The following COL3A1 variants were observed in gnomAD, a reference collection of about 807,000 sequenced individuals.
COL3A1 encodes the protein collagen alpha-1(III) chain.
Under a neutral mutation model 200.9 loss-of-function variants are expected in COL3A1, and 46 were observed. The ratio of observed to expected loss-of-function variants is 0.23; its 90% CI spans 0.18 to 0.29. COL3A1 has a LOEUF of 0.29. COL3A1 is among the 10% of genes least tolerant of loss of function. The probability of loss-of-function intolerance (pLI) is 1.00; values close to 1 mark genes in which losing one functional copy is unlikely to be tolerated. For synonymous variants in COL3A1, 650 were observed against 628.0 expected (o/e 1.03, Z -0.52); for missense variants, 1,367 against 1,917.6 (o/e 0.71, Z 5.36).
chr2:188,985,032 G>A (rs1267838189), intron 2 of COL3A1, 70 bp downstream of exon 2: 1 of 1,506,922 alleles, frequency 6.6e-7, no homozygotes, highest in African/African-American at 1.4e-5. Context: ...CTATATCATA[G>A]GAGCCTAAAA....
rs41265549 is a variant in COL3A1 at position 189,010,399 on chromosome 2, A to G, written c.4011+34A>G. 46,259 of 1,606,222 alleles carry G rather than the reference A, an allele frequency of 0.029. 822 individuals are homozygous for G. Among genetic ancestry groups the G allele is most frequent in the Middle Eastern group, 0.038 (231 of 6,046 alleles). On this transcript the variant is annotated intron_variant, in intron 49 of 50. Coordinates refer to ENST00000304636, the MANE Select transcript of COL3A1 (RefSeq NM_000090.4). ...GGATATACCTTTTTTTAAATAAGTC[A>G]CCTCTATATCCTTTGTATTCTTCCT...
At chr2:188,995,181 A>G in intron 21 of COL3A1, 82 bp downstream of exon 21, 1 of 1,314,180 alleles carries the variant, frequency 7.6e-7, no homozygotes, top group Non-Finnish European at 1.1e-6. Flanking sequence ...ATTCATGAAA[A>G]CCTAAATATC....
chr2:188,993,972 C>T lies in COL3A1; in HGVS notation c.1150-66C>T. 6.0e-6 allele frequency: 9 copies of T among 1,488,250 alleles called. 1 individual carries two copies. The South Asian group carries it at 1.0e-4, about 17-fold the overall frequency. The allele number at this position is 1,488,250 out of a possible 1,614,324, so 92.2% of individuals were successfully genotyped here. A position where few individuals can be genotyped will look rare whatever the true frequency, so the allele number is the denominator to read the frequency against. The stretch of plus-strand genomic sequence containing the variant: ...ATCGATACATTTATTTTCACACAAA[C>T]AACTTCAAATATATACGAACTATTT... On this transcript the variant is annotated intron_variant, in intron 16 of 50. Transcript: ENST00000304636.
Position 188,995,691 on chromosome 2 carries a change from G to T in COL3A1, c.1510-1G>T. 1 of 1,552,190 alleles carries T rather than the reference G, an allele frequency of 6.4e-7. No individual in the cohort carries two copies. The highest frequency in any genetic ancestry group is 8.7e-7 in the Non-Finnish European group (1 of 1,146,982). ...TTTTTAAAATTTCTTTCACTACTTAGGGTCCTGCTGGAGAGCGTGGTGCTC... is the reference window on the plus strand; with the variant it reads ...TTTTTAAAATTTCTTTCACTACTTATGGTCCTGCTGGAGAGCGTGGTGCTC... On this transcript the variant is annotated splice_acceptor_variant, in intron 21 of 50. Transcript: ENST00000304636. LOFTEE classifies it high-confidence loss of function.
chr2:188,999,372 G>A lies in COL3A1; in HGVS notation c.2110G>A (p.Glu704Lys), dbSNP rs863223362. Residue 704 changes from glutamate to lysine, a missense_variant, in exon 30 of 51, where the codon GAA becomes AAA. Coordinates refer to ENST00000304636, the MANE Select transcript of COL3A1 (RefSeq NM_000090.4). ...LRGGAGPPGP[E>K]GGKGAAGPPG... Reference sequence around the variant, plus strand: ...AGGTGGAGCTGGTCCCCCTGGTCCCGAAGGAGGAAAGGTAACTCCACAGCA... The same window carrying A: ...AGGTGGAGCTGGTCCCCCTGGTCCCAAAGGAGGAAAGGTAACTCCACAGCA... The A allele has an allele frequency of 1.2e-5, 20 of 1,609,228 alleles. No individual in the cohort carries two copies. The highest frequency in any genetic ancestry group is 1.5e-5 in the Non-Finnish European group (18 of 1,177,662).
At chr2:188,993,271 G>A (rs1688226966) in intron 15 of COL3A1, 90 bp from the exon 16 acceptor site, 1 of 1,095,926 alleles carries the variant, frequency 9.1e-7, no homozygotes, top group African/African-American at 1.6e-5. Flanking sequence ...TCCAACTTTT[G>A]GGAGATGTGT....
At chr2:188,997,595 T>C (rs920005270) in intron 26 of COL3A1, 105 bp from the exon 27 acceptor site, 3 of 1,277,586 alleles carry the variant, frequency 2.3e-6, no homozygotes, top group Non-Finnish European at 2.2e-6. Flanking sequence ...TCCCTTTTCT[T>C]CACATCACTA....
At chr2:188,999,251 G>T (rs1340347267) in intron 29 of COL3A1, 34 bp from the exon 30 acceptor site, 1 of 1,532,946 alleles carries the variant, frequency 6.5e-7, no homozygotes, top group East Asian at 2.4e-5. Flanking sequence ...GCTTTGGGTT[G>T]TCTAATATGG....
Position 189,008,085 on chromosome 2 carries a change from T to C in COL3A1, c.3468T>C (p.His1156=). 6.2e-7 allele frequency: 1 copy of C among 1,614,032 alleles called. No individual in the cohort carries two copies. The highest frequency in any genetic ancestry group is 1.1e-5 in the South Asian group (1 of 91,068). The change falls in exon 47 of 51, where the codon CAT becomes CAC. Residue 1156 remains histidine (H), a synonymous_variant. Coordinates refer to ENST00000304636, the MANE Select transcript of COL3A1 (RefSeq NM_000090.4). ...CTGGCAAAGATGGAACCAGTGGACA[T>C]CCAGGTCCCATTGGACCACCAGGGC... ...GPPGKDGTSG[H]PGPIGPPGPR...
intron 50 of COL3A1, 130 bp downstream of exon 50, chr2:189,011,020 A>G (rs186353915): frequency 8.4e-7 from 1 of 1,192,106 alleles, no homozygotes; most frequent in East Asian, 2.5e-5. Flanking sequence ...TGAATTACAT[A>G]CATTGCATCT....
At chr2:189,011,569 TCA>T in intron 50 of COL3A1, 57 bp from the exon 51 acceptor site, 27 of 1,605,288 alleles carry the variant, frequency 1.7e-5, no homozygotes, top group Non-Finnish European at 2.3e-5. Flanking sequence ...ACTTGTTAAG[TCA>T]GAGTTGTCTA....
At position 188,999,401 on chromosome 2, in the gene COL3A1, C is replaced by A. The variant is rs587780904; in HGVS notation, c.2121+18C>A. On this transcript the variant is annotated intron_variant, in intron 30 of 50. Coordinates refer to ENST00000304636, the MANE Select transcript of COL3A1 (RefSeq NM_000090.4). Reference sequence around the variant, plus strand: ...GAGGAAAGGTAACTCCACAGCATTCCATTCACCTAGGTTTAAAAAATGCAT... The same window carrying A: ...GAGGAAAGGTAACTCCACAGCATTCAATTCACCTAGGTTTAAAAAATGCAT... 63 of 1,613,416 alleles carry A rather than the reference C, an allele frequency of 3.9e-5. No individual in the cohort carries two copies. Among genetic ancestry groups the A allele is most frequent in the Non-Finnish European group, 5.3e-5 (62 of 1,179,622 alleles).
rs1016464615 is a variant in COL3A1 at position 189,012,522 on chromosome 2, T to G, written c.*748T>G. 3.9e-5 allele frequency: 6 copies of G among 152,518 alleles called. No individual in the cohort carries two copies. Among genetic ancestry groups the G allele is most frequent in the African/African-American group, 1.2e-4 (5 of 41,408 alleles). The allele number at this position is 152,518 out of a possible 1,614,324, so 9.4% of individuals were successfully genotyped here. The stretch of plus-strand genomic sequence containing the variant: ...TGTTGACTTGCATTCAGAACATAAA[T>G]GCACAAAATCTGTACATGTCTCCCA... On this transcript the variant is annotated 3_prime_UTR_variant, in exon 51 of 51. Coordinates refer to ENST00000304636, the MANE Select transcript of COL3A1 (RefSeq NM_000090.4).
intron 26 of COL3A1, 86 bp from the exon 27 acceptor site, chr2:188,997,614 A>G: frequency 7.2e-7 from 1 of 1,384,548 alleles, no homozygotes; most frequent in South Asian, 1.2e-5. Context: ...TACTTTTATA[A>G]TTAAGCAACA....
intron 40 of COL3A1, among the ~76,000 whole-genome samples, chr2:189,004,612 A>G (rs547670473): frequency 1.3e-5 from 2 of 152,336 alleles, no homozygotes; most frequent in African/African-American, 2.4e-5. Flanking sequence ...CAATATTGCC[A>G]TCTCAAACAC....
intron 36 of COL3A1, 130 bp downstream of exon 36, chr2:189,003,192 G>T: frequency 1.2e-6 from 1 of 844,836 alleles, no homozygotes; most frequent in Non-Finnish European, 2.0e-6. Flanking sequence ...GAAAAACATG[G>T]AGGTTTATCA....
chr2:188,993,404 C>T lies in COL3A1; in HGVS notation c.1094C>T (p.Pro365Leu). 6.4e-7 allele frequency: 1 copy of T among 1,569,140 alleles called. No individual in the cohort carries two copies. Among genetic ancestry groups the T allele is most frequent in the Non-Finnish European group, 8.7e-7 (1 of 1,155,800 alleles). Residue 365 changes from proline (P) to leucine (L), a missense_variant, in exon 16 of 51, where the codon CCT (proline) becomes CTT (leucine). This residue lies in a region of COL3A1 where 462 missense variants were observed against 681.4 expected (regional missense o/e 0.68). Transcript: ENST00000304636. ...GGGTCTCCTGGTTCAAATGGTGCCC[C>T]TGGACAAAGAGGAGAACCTGGACCT... ...PAGSPGSNGA[P>L]GQRGEPGPQG...
intron 4 of COL3A1, among the ~76,000 whole-genome samples, chr2:188,986,783 T>C (rs1688073102): frequency 1.3e-5 from 2 of 151,996 alleles, no homozygotes; most frequent in South Asian, 4.1e-4. Context: ...AATAATAGCT[T>C]AAGTAAGCGC....
At chr2:189,006,028 T>C (rs1688578370) in intron 41 of COL3A1, among the ~76,000 whole-genome samples, 178 bp from the exon 42 acceptor site, 1 of 152,178 alleles carries the variant, frequency 6.6e-6, no homozygotes, top group Admixed American at 6.5e-5. Context: ...ACTAACTATC[T>C]GTCTGGACAT....
Sources: allele counts gnomAD v4.1 joint callset (sites outside exome capture counted in the v4.1 genomes callset), GRCh38; gene constraint gnomAD v4.1.1; regional missense constraint gnomAD v4.1.1; transcripts MANE v1.5; gene names NCBI Gene and HGNC (gene_info 2026-07-23, HGNC 2026-07-21).